The following KRT86 variants were observed in gnomAD, a reference collection of about 807,000 sequenced individuals.
The protein encoded by KRT86 is keratin 86, also known as keratin, type II cuticular Hb6.
KRT86 carries 30 observed loss-of-function variants against 41.2 expected under a neutral mutation model. The observed-to-expected ratio is 0.73, with a 90% CI of 0.54 to 0.99. The LOEUF is 0.99. Among genes scored for constraint, KRT86 ranks in the 50% least tolerant of loss-of-function variants. The probability of loss-of-function intolerance (pLI) is 0.00; values close to 1 mark genes in which losing one functional copy is unlikely to be tolerated. For synonymous variants in KRT86, 238 were observed against 238.1 expected (o/e 1.00, Z 0.00); for missense variants, 561 against 571.4 (o/e 0.98, Z 0.19).
At chr12:52,304,805 G>A in intron 5 of KRT86, 127 bp from the exon 6 acceptor site, 3 of 1,059,978 alleles carry the variant, frequency 2.8e-6, no homozygotes, top group Admixed American at 1.7e-5. Context: ...AGAAGGGAAG[G>A]AGAGGGCATG....
At chr12:52,282,953 C>T (rs1016840197) in intron 2 of KRT86, among the ~76,000 whole-genome samples, 1 of 152,372 alleles carries the variant, frequency 6.6e-6, no homozygotes, top group South Asian at 2.1e-4. Flanking sequence ...TACCTGGATG[C>T]AATCATATTG....
At chr12:52,291,338 C>G (rs1303113471) in intron 2 of KRT86, 2 of 1,567,468 alleles carry the variant, frequency 1.3e-6, no homozygotes, top group Admixed American at 3.8e-5. Flanking sequence ...GCCGAAGCCC[C>G]CGGTGAGGCC....
At chr12:52,286,257 A>C (rs540942003) in intron 2 of KRT86, 3 of 1,553,940 alleles carry the variant, frequency 1.9e-6, no homozygotes, top group South Asian at 2.4e-5. Flanking sequence ...TGGGGTGCCT[A>C]ACATTTCCGG....
intron 9 of KRT86, among the ~76,000 whole-genome samples, chr12:52,307,565 G>T (rs1008994555): frequency 6.6e-6 from 1 of 152,236 alleles, no homozygotes; most frequent in Non-Finnish European, 1.5e-5. Flanking sequence ...GGGTAGAAAT[G>T]AGTGTCTGGG....
chr12:52,297,230 G>C (rs1254943089), intron 2 of KRT86, among the ~76,000 whole-genome samples: 1 of 152,168 alleles, frequency 6.6e-6, no homozygotes, highest in Non-Finnish European at 1.5e-5. Flanking sequence ...TCCCAGAAAG[G>C]ACACTGTCAG....
chr12:52,306,052 C>G lies in KRT86; in HGVS notation c.1027-8C>G, dbSNP rs1938507806. The G allele has an allele frequency of 6.2e-7, 1 of 1,613,798 alleles. No individual in the cohort carries two copies. Among genetic ancestry groups the G allele is most frequent in the African/African-American group, 1.3e-5 (1 of 75,044 alleles). On this transcript the variant is annotated splice_region_variant and splice_polypyrimidine_tract_variant and intron_variant, in intron 8 of 10. Transcript: ENST00000423955. ...TCTAATCTACCTTGTTCTCTCTGTT[C>G]TCTTCAGAATTCCAAGCTGGAGGCT...
chr12:52,297,314 G>T (rs1414559250), intron 2 of KRT86, among the ~76,000 whole-genome samples: 1 of 152,190 alleles, frequency 6.6e-6, no homozygotes. Flanking sequence ...CCTTTCTCAT[G>T]AATTTGGATA....
chr12:52,294,674 A>G (rs1938208728), intron 2 of KRT86, among the ~76,000 whole-genome samples: 1 of 152,070 alleles, frequency 6.6e-6, no homozygotes, highest in South Asian at 2.1e-4. Flanking sequence ...CACTTATAGG[A>G]AAAAATAGAA....
At chr12:52,278,256 G>A (rs1168681192) in intron 2 of KRT86, among the ~76,000 whole-genome samples, 1 of 152,200 alleles carries the variant, frequency 6.6e-6, no homozygotes, top group African/African-American at 2.4e-5. Flanking sequence ...CCCTGGCAGG[G>A]AGGTCCTATT....
At chr12:52,305,897 C>A (rs1342331616) in intron 8 of KRT86, 109 bp downstream of exon 8, 3 of 1,598,052 alleles carry the variant, frequency 1.9e-6, no homozygotes, top group Non-Finnish European at 2.6e-6. Flanking sequence ...GCCCCTCTGT[C>A]CATGTAGAGT....
chr12:52,291,746 C>T (rs1938134251), intron 2 of KRT86, among the ~76,000 whole-genome samples: 1 of 145,068 alleles, frequency 6.9e-6, no homozygotes, highest in South Asian at 2.2e-4. Context: ...CATGTTTCAT[C>T]TTCAAAGTGT....
intron 2 of KRT86, chr12:52,287,758 G>A: frequency 6.2e-7 from 1 of 1,613,962 alleles, no homozygotes. Context: ...GTTCAGGGTG[G>A]GACCTCCCAT....
chr12:52,304,461 C>A lies in KRT86; in HGVS notation c.639+290C>A, dbSNP rs12825064. On this transcript the variant is annotated intron_variant, in intron 5 of 10. Coordinates refer to ENST00000423955, the MANE Select transcript of KRT86 (RefSeq NM_001320198.2). ...TGGTCTATTGCTGAGGCCCCTGGAG[C>A]CATAGCAGATACAATGTCTCTGCTG... Among the ~76,000 whole-genome samples the A allele has an allele frequency of 0.69, 98,123 of 141,788 alleles. 34,068 individuals are homozygous for A. Among genetic ancestry groups the A allele is most frequent in the African/African-American group, 0.83 (30,002 of 35,966 alleles). 93.0% of individuals were successfully genotyped at this position (141,788 alleles called of 152,430 possible).
At chr12:52,288,162 G>A (rs1196973796) in intron 2 of KRT86, 5 of 1,614,004 alleles carry the variant, frequency 3.1e-6, no homozygotes, top group Non-Finnish European at 4.2e-6. Flanking sequence ...CAGGAGGTGA[G>A]GGCAGTGACT....
At position 52,286,478 on chromosome 12, in the gene KRT86, C is replaced by T. The variant is rs998726616; in HGVS notation, c.-5+10532C>T. On this transcript the variant is annotated intron_variant, in intron 2 of 10. Coordinates refer to ENST00000423955, the MANE Select transcript of KRT86 (RefSeq NM_001320198.2). ...GAGGTCCCCGCACACGACCCCGCCC[C>T]GGGAGCTGCTGACACCTGTGAACCC... The T allele has an allele frequency of 1.9e-5, 30 of 1,552,300 alleles. No individual in the cohort carries two copies. The highest frequency in any genetic ancestry group is 2.7e-5 in the African/African-American group (2 of 73,096).
chr12:52,286,392 C>T (rs752055470), intron 2 of KRT86: 12 of 1,555,230 alleles, frequency 7.7e-6, no homozygotes, highest in East Asian at 2.4e-5. Context: ...CTCACCGCCA[C>T]GTTCCCGTTG....
intron 2 of KRT86, among the ~76,000 whole-genome samples, chr12:52,300,991 C>T (rs1938359211): frequency 6.6e-6 from 1 of 152,124 alleles, no homozygotes; most frequent in Admixed American, 6.5e-5. Context: ...GGAGGGAATG[C>T]CTCCTCTCAG....
intron 2 of KRT86, among the ~76,000 whole-genome samples, chr12:52,283,925 T>C (rs10783507): frequency 3.3e-5 from 5 of 152,054 alleles, no homozygotes; most frequent in Non-Finnish European, 7.4e-5. Context: ...CTTGCTCCTC[T>C]GTCTGAGCCT....
In KRT86 at chr12:52,305,749, C is replaced by A. The variant is rs777631631; in HGVS notation, c.987C>A (p.Ile329=). ...AGATCAACGAGCTGAACCGCATGATCCAGAGGCTGACGGCTGAGGTGGAGA... is the reference window on the plus strand; with the variant it reads ...AGATCAACGAGCTGAACCGCATGATACAGAGGCTGACGGCTGAGGTGGAGA... The part of the protein sequence containing the change: ...KEEINELNRM[I]QRLTAEVENA... Residue 329 remains isoleucine (I), a synonymous_variant, in exon 8 of 11, where the codon ATC becomes ATA. Transcript: ENST00000423955. 9 of 1,613,910 alleles carry A rather than the reference C, an allele frequency of 5.6e-6. No homozygotes were observed. The Admixed American group carries it at 1.0e-4, about 18-fold the overall frequency.
Sources: gnomAD v4.1 joint callset for allele counts (sites outside exome capture counted in the v4.1 genomes callset) on GRCh38, gnomAD v4.1.1 for gene constraint, MANE v1.5 for transcripts, NCBI Gene and HGNC (gene_info 2026-07-23, HGNC 2026-07-21) for gene names.